The following PTPN4 variants were observed in gnomAD, a reference collection of about 807,000 sequenced individuals.
PTPN4 encodes the protein protein tyrosine phosphatase non-receptor type 4.
PTPN4 carries 49 observed loss-of-function variants against 135.5 expected under a neutral mutation model. That is an observed-to-expected ratio of 0.36 (90% CI 0.29 to 0.46). The LOEUF (loss-of-function observed/expected upper bound fraction) is 0.46, where lower values mean the gene tolerates loss of function less well. Ranked by LOEUF, PTPN4 falls within the 20% of genes least tolerant of loss-of-function variation. The pLI, the probability that PTPN4 is intolerant of heterozygous loss-of-function variation, is 1.00. For missense variants in PTPN4, 860 were observed against 1,101.0 expected (o/e 0.78, Z 3.10); for synonymous variants, 333 against 369.9 (o/e 0.90, Z 1.14).
At chr2:119,921,118 CAAAAACA>C (rs1378269221) in intron 12 of PTPN4, among the ~76,000 whole-genome samples, 8 of 151,686 alleles carry the variant, frequency 5.3e-5, no homozygotes, top group Admixed American at 2.0e-4. Flanking sequence ...CCGTCTCTAC[CAAAAACA>C]AAAAACAAAA....
At chr2:119,888,879 GT>G (rs1298689063) in intron 9 of PTPN4, among the ~76,000 whole-genome samples, 2 of 151,778 alleles carry the variant, frequency 1.3e-5, no homozygotes, top group African/African-American at 2.4e-5. Flanking sequence ...CTCCTCTTCA[GT>G]TTTTTTTGGA....
intron 2 of PTPN4, among the ~76,000 whole-genome samples, chr2:119,855,960 G>A (rs917921972): frequency 1.3e-5 from 2 of 151,972 alleles, no homozygotes; most frequent in East Asian, 3.9e-4. Flanking sequence ...ACCCGCCACC[G>A]CACCCAGCTA....
intron 13 of PTPN4, among the ~76,000 whole-genome samples, chr2:119,931,077 T>C (rs902135306): frequency 6.6e-6 from 1 of 152,096 alleles, no homozygotes; most frequent in African/African-American, 2.4e-5. Context: ...CTGATTTTTG[T>C]AGGAAGACAA....
At chr2:119,775,834 T>G (rs1052409669) in intron 1 of PTPN4, among the ~76,000 whole-genome samples, 5 of 151,974 alleles carry the variant, frequency 3.3e-5, no homozygotes, top group Non-Finnish European at 7.4e-5. Context: ...TCTATATCTA[T>G]ATCTATATAT....
chr2:119,949,319 C>A (rs1044622777), intron 18 of PTPN4, among the ~76,000 whole-genome samples: 1 of 152,112 alleles, frequency 6.6e-6, no homozygotes, highest in African/African-American at 2.4e-5. Flanking sequence ...ATCACCACAA[C>A]CTTCTAATTG....
chr2:119,839,020 G>A (rs569637713), intron 2 of PTPN4, among the ~76,000 whole-genome samples: 9 of 152,116 alleles, frequency 5.9e-5, no homozygotes, highest in Middle Eastern at 6.8e-3. Flanking sequence ...TGAAATACCC[G>A]CCTCCAAACC....
intron 1 of PTPN4, among the ~76,000 whole-genome samples, chr2:119,784,696 A>ATTTTTTTTTTT (rs58879330): frequency 2.7e-5 from 3 of 110,166 alleles, no homozygotes; most frequent in African/African-American, 3.8e-5. Flanking sequence ...TGCCCAGCTA[A>ATTTTTTTTTTT]TTTTTTTTTT....
chr2:119,891,303 A>G (rs1678236054), intron 9 of PTPN4, among the ~76,000 whole-genome samples: 1 of 152,000 alleles, frequency 6.6e-6, no homozygotes, highest in Non-Finnish European at 1.5e-5. Context: ...AGTGAATTCT[A>G]CAGTTTCAGT....
In PTPN4 at chr2:119,781,213, T is replaced by C. The variant is rs150635195; in HGVS notation, c.-18+20829T>C. ...TATTTTCCTTGCCCCAGCTCTGAAATCAGCCTTTTTTCTCCAGAGTCCTAA... is the reference window on the plus strand; with the variant it reads ...TATTTTCCTTGCCCCAGCTCTGAAACCAGCCTTTTTTCTCCAGAGTCCTAA... On this transcript the variant is annotated intron_variant, in intron 1 of 26. Coordinates refer to ENST00000263708, the MANE Select transcript of PTPN4 (RefSeq NM_002830.4). Among the ~76,000 whole-genome samples, 549 of 152,304 alleles carry C rather than the reference T, an allele frequency of 3.6e-3. 3 individuals carry two copies. The highest frequency in any genetic ancestry group is 0.013 in the African/African-American group (527 of 41,564).
At chr2:119,905,867 G>A (rs146870183) in intron 10 of PTPN4, among the ~76,000 whole-genome samples, 1 of 151,982 alleles carries the variant, frequency 6.6e-6, no homozygotes, top group African/African-American at 2.4e-5. Flanking sequence ...AAGACTGTTG[G>A]GTCAATGAAG....
intron 15 of PTPN4, among the ~76,000 whole-genome samples, chr2:119,942,018 A>G (rs1679068464): frequency 6.6e-6 from 1 of 152,150 alleles, no homozygotes; most frequent in Admixed American, 6.5e-5. Context: ...GAAAATCTAG[A>G]TTTGTATGCA....
In PTPN4 at chr2:119,920,177, C is replaced by A; in HGVS notation, c.937C>A (p.Pro313Thr). 1 of 1,613,126 alleles carries A rather than the reference C, an allele frequency of 6.2e-7. No individual in the cohort carries two copies. The highest frequency in any genetic ancestry group is 8.5e-7 in the Non-Finnish European group (1 of 1,179,628). The change falls in exon 12 of 27, where the codon CCA (proline) becomes ACA (threonine). Residue 313 changes from proline (P) to threonine (T), a missense_variant. By Grantham distance (38) the Pro-to-Thr change is conservative (BLOSUM62 -1). Coordinates refer to ENST00000263708, the MANE Select transcript of PTPN4 (RefSeq NM_002830.4). Reference protein sequence around the residue: ...EHHTFFRLDRPLPPQKNFFAH... With the variant: ...EHHTFFRLDRTLPPQKNFFAH... ...TCACACATTCTTCCGTTTGGACAGA[C>A]CACTTCCACCTCAAAAGAATTTTTT...
chr2:119,905,027 T>A (rs1449532063), intron 10 of PTPN4, among the ~76,000 whole-genome samples: 1 of 110,258 alleles, frequency 9.1e-6, no homozygotes, highest in African/African-American at 3.0e-5. Context: ...AGTCAAAGGT[T>A]ATTACTACAA....
intron 1 of PTPN4, among the ~76,000 whole-genome samples, chr2:119,809,501 T>C (rs928198097): frequency 6.6e-6 from 1 of 152,072 alleles, no homozygotes; most frequent in Non-Finnish European, 1.5e-5. Flanking sequence ...ATGAGTAATA[T>C]CCAACTTCCT....
rs369872148 is a variant in PTPN4, at chr2:119,940,819, C to T, written c.1356-4262C>T. Among the ~76,000 whole-genome samples, 26 of 151,986 alleles carry T rather than the reference C, an allele frequency of 1.7e-4. No homozygotes were observed. The East Asian group carries it at 4.4e-3, about 26-fold the overall frequency. Reference sequence around the variant, plus strand: ...TTTCTATGTACAATTGTGCCTTTACCGTTTTTTAAAAAAAATTCATGATTT... The same window carrying T: ...TTTCTATGTACAATTGTGCCTTTACTGTTTTTTAAAAAAAATTCATGATTT... On this transcript the variant is annotated intron_variant, in intron 15 of 26. Transcript: ENST00000263708.
chr2:119,944,934 A>G, intron 15 of PTPN4, 147 bp from the exon 16 acceptor site: 1 of 548,586 alleles, frequency 1.8e-6, no homozygotes, highest in Non-Finnish European at 3.0e-6. Flanking sequence ...CTTCAAAGTT[A>G]GGAAAATTTT....
intron 9 of PTPN4, among the ~76,000 whole-genome samples, chr2:119,895,226 CG>C (rs1317554539): frequency 6.6e-6 from 1 of 152,284 alleles, no homozygotes; most frequent in East Asian, 1.9e-4. Flanking sequence ...AGAAAATTAA[CG>C]GCTGTCTCCA....
chr2:119,764,621 G>A (rs1411556524), intron 1 of PTPN4, among the ~76,000 whole-genome samples: 6 of 151,188 alleles, frequency 4.0e-5, no homozygotes, highest in East Asian at 1.9e-4. Context: ...TTTAGATATA[G>A]TTTAATATCT....
At chr2:119,777,843 A>G (rs531924160) in intron 1 of PTPN4, among the ~76,000 whole-genome samples, 13 of 151,646 alleles carry the variant, frequency 8.6e-5, no homozygotes, top group African/African-American at 3.1e-4. Context: ...CCCCTAAGAG[A>G]TGAGGTCTTG....
Sources: gnomAD v4.1 joint callset for allele counts (sites outside exome capture counted in the v4.1 genomes callset) on GRCh38, gnomAD v4.1.1 for gene constraint, MANE v1.5 for transcripts, NCBI Gene and HGNC (gene_info 2026-07-23, HGNC 2026-07-21) for gene names.